The following LRBA variants were observed in gnomAD, a reference collection of about 807,000 sequenced individuals.
The protein encoded by LRBA is lipopolysaccharide-responsive and beige-like anchor protein.
A neutral mutation model predicts 330.0 loss-of-function variants in LRBA; 176 were observed. The observed-to-expected ratio is 0.53, with a 90% CI of 0.47 to 0.60. LRBA has a LOEUF of 0.60. Ranked by LOEUF, LRBA falls within the 20% of genes least tolerant of loss-of-function variation. The pLI, the probability that LRBA is intolerant of heterozygous loss-of-function variation, is 0.00. For missense variants in LRBA, 3,259 were observed against 3,444.8 expected, an observed-to-expected ratio of 0.95 and a Z score of 1.35; for synonymous variants, 1,230 against 1,193.0, an observed-to-expected ratio of 1.03 and a Z score of -0.64.
intron 50 of LRBA, among the ~76,000 whole-genome samples, chr4:150,320,763 C>T: frequency 6.6e-6 from 1 of 152,156 alleles, no homozygotes; most frequent in East Asian, 1.9e-4. Context: ...GCTATGATCA[C>T]ACCACTGCAC....
chr4:150,639,856 TATATATATATATATATTTA>T (rs1778486875), intron 37 of LRBA, among the ~76,000 whole-genome samples: 1 of 80,076 alleles, frequency 1.2e-5, no homozygotes, highest in Non-Finnish European at 2.4e-5. Context: ...TATATATATA[TATATATATATATATATTTA>T]GATGGAGTTT....
Position 150,928,635 on chromosome 4 carries a change from G to A in LRBA, c.449-19C>T, listed in dbSNP as rs529814793. On this transcript the variant is annotated intron_variant, in intron 3 of 56. Transcript: ENST00000651943. Reference sequence around the variant, plus strand: ...AAAAGATCTGGAAACAAAAGAAAACGATAAAATAACTCAGCTAGTTATATT... The same window carrying A: ...AAAAGATCTGGAAACAAAAGAAAACAATAAAATAACTCAGCTAGTTATATT... 1.3e-4 allele frequency: 207 copies of A among 1,571,238 alleles called. No individual in the cohort carries two copies. Among genetic ancestry groups the A allele is most frequent in the Non-Finnish European group, 1.6e-4 (180 of 1,144,590 alleles).
At chr4:150,482,811 G>C (rs72734481) in intron 42 of LRBA, among the ~76,000 whole-genome samples, 2 of 151,884 alleles carry the variant, frequency 1.3e-5, no homozygotes, top group African/African-American at 4.8e-5. Context: ...TGTTTATTCG[G>C]TATCTATATC....
At chr4:150,332,251 T>C (rs917482331) in intron 48 of LRBA, among the ~76,000 whole-genome samples, 2 of 152,168 alleles carry the variant, frequency 1.3e-5, no homozygotes, top group African/African-American at 4.8e-5. Context: ...CTTGTATATA[T>C]TTTCTATTCC....
At chr4:151,013,647 A>G in intron 2 of LRBA, 1 of 152,338 alleles carries the variant, frequency 6.6e-6, no homozygotes, top group Non-Finnish European at 1.5e-5. Context: ...GATAGCTTGA[A>G]CTTAGGAGTT....
intron 37 of LRBA, among the ~76,000 whole-genome samples, chr4:150,650,291 A>T (rs1270789488): frequency 5.9e-5 from 9 of 152,176 alleles, no homozygotes. Context: ...GTGGACATCT[A>T]CAAAACGTAA....
chr4:150,843,954 ATCATTGTCAAAAGAAG>A, intron 28 of LRBA, 130 bp downstream of exon 28: 1 of 527,016 alleles, frequency 1.9e-6, no homozygotes, highest in Non-Finnish European at 3.5e-6. Flanking sequence ...TGTTTCTAAA[ATCATTGTCAAAAGAAG>A]TCGTTTCTAG....
intron 25 of LRBA, 130 bp from the exon 26 acceptor site, chr4:150,849,128 A>G: frequency 6.2e-6 from 4 of 641,358 alleles, no homozygotes; most frequent in Non-Finnish European, 1.1e-5. Flanking sequence ...AGAGTGATTT[A>G]TACTTATTAT....
At position 150,447,321 on chromosome 4, in the gene LRBA, C is replaced by T. The variant is rs557365725; in HGVS notation, c.6781-10457G>A. Among the ~76,000 whole-genome samples the T allele has an allele frequency of 1.1e-4, 16 of 152,260 alleles. No homozygotes were observed. The South Asian group carries it at 2.5e-3, about 24-fold the overall frequency. On this transcript the variant is annotated intron_variant, in intron 44 of 56. Coordinates refer to ENST00000651943, the MANE Select transcript of LRBA (RefSeq NM_001364905.1). ...TGAGATTAGCCTTTAAACTGGTGGA[C>T]ACAGTATATAGATTTCTTTCTCCAA...
At chr4:150,718,535 C>A (rs1408193698) in intron 36 of LRBA, among the ~76,000 whole-genome samples, 2 of 151,932 alleles carry the variant, frequency 1.3e-5, no homozygotes, top group Non-Finnish European at 2.9e-5. Flanking sequence ...ATACTTCAAC[C>A]AATTGAAGTT....
intron 41 of LRBA, 125 bp downstream of exon 41, chr4:150,490,793 G>C: frequency 2.1e-6 from 1 of 469,704 alleles, no homozygotes; most frequent in South Asian, 6.3e-5. Context: ...CAAAAAAAGA[G>C]GTCACTAGAA....
At chr4:150,731,599 T>C (rs1284039227) in intron 36 of LRBA, among the ~76,000 whole-genome samples, 2 of 152,118 alleles carry the variant, frequency 1.3e-5, no homozygotes, top group East Asian at 3.9e-4. Flanking sequence ...ATCAAAACAA[T>C]TGAACTTGTT....
chr4:150,952,981 T>C (rs1165377339), intron 2 of LRBA, among the ~76,000 whole-genome samples: 1 of 152,108 alleles, frequency 6.6e-6, no homozygotes, highest in Non-Finnish European at 1.5e-5. Context: ...CCTTCGCCCA[T>C]CTTGTCTTCC....
chr4:150,491,061 G>A (rs754005700), intron 40 of LRBA, 26 bp from the exon 41 acceptor site: 1 of 1,174,042 alleles, frequency 8.5e-7, no homozygotes, highest in South Asian at 1.6e-5. Context: ...ATAATCCCAG[G>A]TAAGTAACAA....
At chr4:150,533,654 T>C (rs1764288025) in intron 40 of LRBA, among the ~76,000 whole-genome samples, 2 of 152,180 alleles carry the variant, frequency 1.3e-5, no homozygotes, top group African/African-American at 2.4e-5. Context: ...ATTTCTCCTT[T>C]GTAGTAGCAT....
At chr4:150,670,513 T>C (rs1017216507) in intron 37 of LRBA, among the ~76,000 whole-genome samples, 5 of 152,178 alleles carry the variant, frequency 3.3e-5, no homozygotes, top group African/African-American at 1.2e-4. Flanking sequence ...CTTTCCTAGC[T>C]CTGAAATCAG....
chr4:150,803,152 A>G (rs1363417966), intron 33 of LRBA, among the ~76,000 whole-genome samples: 3 of 151,064 alleles, frequency 2.0e-5, no homozygotes, highest in Non-Finnish European at 4.4e-5. Flanking sequence ...ATAAACATAT[A>G]TATTTCTTAA....
chr4:150,285,741 T>C (rs1748061693), intron 54 of LRBA, among the ~76,000 whole-genome samples, 192 bp downstream of exon 54: 1 of 152,236 alleles, frequency 6.6e-6, no homozygotes, highest in Non-Finnish European at 1.5e-5. Context: ...GGACCTGCAA[T>C]GTGGCTAGTG....
At position 150,817,219 on chromosome 4, in the gene LRBA, G is replaced by A. The variant is rs1259202327; in HGVS notation, c.5210C>T (p.Pro1737Leu). 1.2e-6 allele frequency: 2 copies of A among 1,612,198 alleles called. No homozygotes were observed. The highest frequency in any genetic ancestry group is 1.7e-5 in the Admixed American group (1 of 59,870). The change falls in exon 31 of 57, where the codon CCT becomes CTT. Residue 1737 changes from proline to leucine, a missense_variant. Transcript: ENST00000651943. ...IVAAKKSAVS[P>L]STFNTSIPTN... ...AGGTATGCTTGTATTAAAGGTGGAA[G>A]GTGAGACTGCTGACTTTTTTGCTGC...
Sources: gnomAD v4.1 joint callset for allele counts (sites outside exome capture counted in the v4.1 genomes callset) on GRCh38, gnomAD v4.1.1 for gene constraint, MANE v1.5 for transcripts, NCBI Gene and HGNC (gene_info 2026-07-23, HGNC 2026-07-21) for gene names.